Variants in FKBP5 observed in about 807,000 individuals in gnomAD.
FKBP5 encodes the protein peptidyl-prolyl cis-trans isomerase FKBP5.
FKBP5 carries 23 observed loss-of-function variants against 50.5 expected under a neutral mutation model. The observed-to-expected ratio is 0.46, with a 90% CI of 0.33 to 0.65. The LOEUF is 0.65. Ranked by LOEUF, FKBP5 falls within the 30% of genes least tolerant of loss-of-function variation. FKBP5 has a pLI of 0.02. For synonymous variants in FKBP5, 176 were observed against 190.6 expected, an observed-to-expected ratio of 0.92 and a Z score of 0.63; for missense variants, 411 against 553.1, an observed-to-expected ratio of 0.74 and a Z score of 2.58.
At chr6:35,608,431 G>A (rs528298282) in intron 5 of FKBP5, among the ~76,000 whole-genome samples, 3 of 152,230 alleles carry the variant, frequency 2.0e-5, no homozygotes, top group African/African-American at 4.8e-5. Flanking sequence ...GGTAGTACAC[G>A]AGCCTGTAAT....
At chr6:35,715,152 G>C (rs757519415) in intron 2 of FKBP5, among the ~76,000 whole-genome samples, 1 of 152,072 alleles carries the variant, frequency 6.6e-6, no homozygotes, top group African/African-American at 2.4e-5. Flanking sequence ...CACCCGCCTT[G>C]GCCTCCCAAA....
intron 2 of FKBP5, among the ~76,000 whole-genome samples, chr6:35,702,948 T>A (rs529547073): frequency 6.6e-6 from 1 of 151,410 alleles, no homozygotes; most frequent in Non-Finnish European, 1.5e-5. Context: ...AAAAAAAAGG[T>A]TTTTTCAAAG....
intron 5 of FKBP5, among the ~76,000 whole-genome samples, chr6:35,615,102 C>A (rs888657785): frequency 6.7e-6 from 1 of 149,894 alleles, no homozygotes; most frequent in African/African-American, 2.5e-5. Flanking sequence ...CCAGCCTGGG[C>A]GACAGAGTGA....
At chr6:35,600,754 G>T (rs780347051) in intron 5 of FKBP5, among the ~76,000 whole-genome samples, 1 of 152,260 alleles carries the variant, frequency 6.6e-6, no homozygotes, top group Non-Finnish European at 1.5e-5. Context: ...GCTTTTGGTT[G>T]ATCAAGTTTG....
chr6:35,727,205 G>A (rs1309902881), intron 1 of FKBP5, among the ~76,000 whole-genome samples: 1 of 152,212 alleles, frequency 6.6e-6, no homozygotes, highest in Non-Finnish European at 1.5e-5. Flanking sequence ...ACATTCTTTA[G>A]CAGGACCCAA....
intron 1 of FKBP5, among the ~76,000 whole-genome samples, chr6:35,665,289 TC>T (rs1765182947): frequency 1.4e-5 from 2 of 144,240 alleles, no homozygotes; most frequent in Non-Finnish European, 3.1e-5. Context: ...TAGTAAATGC[TC>T]CTCTTTTTTT....
At chr6:35,628,992 C>T (rs1300158948) in intron 3 of FKBP5, among the ~76,000 whole-genome samples, 3 of 152,230 alleles carry the variant, frequency 2.0e-5, no homozygotes, top group African/African-American at 7.2e-5. Flanking sequence ...GCCGGGATTA[C>T]AGGCATGAGC....
intron 1 of FKBP5, among the ~76,000 whole-genome samples, chr6:35,652,354 G>A (rs879667374): frequency 4.6e-5 from 7 of 152,220 alleles, no homozygotes; most frequent in Non-Finnish European, 7.3e-5. Context: ...TCTGACCGCC[G>A]GTGAGCCGGG....
chr6:35,593,716 A>C (rs1284292075), intron 6 of FKBP5, among the ~76,000 whole-genome samples: 1 of 151,886 alleles, frequency 6.6e-6, no homozygotes, highest in Admixed American at 6.6e-5. Flanking sequence ...CACCACGCCC[A>C]GCTAATTTTT....
Position 35,722,740 on chromosome 6 carries a change from C to A in FKBP5, c.-240-2192G>T, listed in dbSNP as rs78624761. Among the ~76,000 whole-genome samples the A allele has an allele frequency of 3.9e-5, 6 of 152,260 alleles. 2 individuals are homozygous for A. The South Asian group carries it at 1.2e-3, about 32-fold the overall frequency. Reference sequence around the variant, plus strand: ...CACCCTTGCTCTGCCTGGCCAATTCCTCTCTCCCTGAACCTTCTGCTCTGG... The same window carrying A: ...CACCCTTGCTCTGCCTGGCCAATTCATCTCTCCCTGAACCTTCTGCTCTGG... On this transcript the variant is annotated intron_variant, in intron 1 of 11. Transcript: ENST00000536438.
chr6:35,710,320 A>G lies in FKBP5; in HGVS notation c.-20+10008T>C, dbSNP rs539890719. On this transcript the variant is annotated intron_variant, in intron 2 of 11. Coordinates refer to the FKBP5 transcript ENST00000536438. ...ATAGGAAACCCAGTCTCTACAAAAC[A>G]TAAAACAATTAACTGGGCATGGTGG... 2.0e-5 allele frequency among the ~76,000 whole-genome samples: 3 copies of G among 152,160 alleles called. No homozygotes were observed. The East Asian group carries it at 5.8e-4, about 29-fold the overall frequency.
rs1765212545 is a variant in FKBP5 at position 35,666,268 on chromosome 6, C to T, written c.-20+22536G>A. ...GTTGAATATTTTTAAGGGCGAATTT[C>T]CCAATATCTACTGAAAGTTTATGTG... On this transcript the variant is annotated intron_variant, in intron 1 of 10. Coordinates refer to ENST00000357266, the MANE Select transcript of FKBP5 (RefSeq NM_004117.4). Among the ~76,000 whole-genome samples, 4 of 151,510 alleles carry T rather than the reference C, an allele frequency of 2.6e-5. 1 individual carries two copies. The highest frequency in any genetic ancestry group is 4.2e-4 in the South Asian group (2 of 4,798).
intron 3 of FKBP5, among the ~76,000 whole-genome samples, chr6:35,632,985 A>G (rs1764204541): frequency 6.6e-6 from 1 of 152,088 alleles, no homozygotes; most frequent in Admixed American, 6.5e-5. Context: ...AAGTGTAGGT[A>G]TAGCTTGAAT....
At chr6:35,594,748 T>C (rs1407259636) in intron 6 of FKBP5, among the ~76,000 whole-genome samples, 1 of 152,292 alleles carries the variant, frequency 6.6e-6, no homozygotes, top group South Asian at 2.1e-4. Flanking sequence ...TGCAGCAGTC[T>C]CATATTACAG....
chr6:35,663,984 A>G (rs1415463407), intron 1 of FKBP5, among the ~76,000 whole-genome samples: 1 of 152,238 alleles, frequency 6.6e-6, no homozygotes, highest in Non-Finnish European at 1.5e-5. Flanking sequence ...ATCCAAGGAT[A>G]TACTTCTAGT....
chr6:35,728,250 T>C (rs1766763719), intron 1 of FKBP5, among the ~76,000 whole-genome samples: 1 of 152,150 alleles, frequency 6.6e-6, no homozygotes, highest in Non-Finnish European at 1.5e-5. Flanking sequence ...GACCCGGCAC[T>C]CGGCAGCTCC....
intron 2 of FKBP5, among the ~76,000 whole-genome samples, chr6:35,716,565 C>T (rs994403422): frequency 6.6e-6 from 1 of 152,032 alleles, no homozygotes; most frequent in Admixed American, 6.6e-5. Flanking sequence ...AGACAGTTAC[C>T]GTGTCTTATG....
In FKBP5 at chr6:35,617,797, A is replaced by G. The variant is rs374258328; in HGVS notation, c.508+1299T>C. Among the ~76,000 whole-genome samples, 13 of 152,322 alleles carry G rather than the reference A, an allele frequency of 8.5e-5. No individual in the cohort carries two copies. In the East Asian group the frequency reaches 2.1e-3, roughly 25 times the overall value. The stretch of plus-strand genomic sequence containing the variant: ...TGGGCAAATACTGATTACAATGTAA[A>G]GTGACAAGTAGTATACACAGTGGTA... On this transcript the variant is annotated intron_variant, in intron 5 of 10. Transcript: ENST00000357266.
chr6:35,648,482 C>T (rs1024402679), intron 1 of FKBP5, among the ~76,000 whole-genome samples: 1 of 151,872 alleles, frequency 6.6e-6, no homozygotes, highest in African/African-American at 2.4e-5. Flanking sequence ...CACTATGTTG[C>T]CCAGGCTGGT....
Sources: gnomAD v4.1 joint callset for allele counts (sites outside exome capture counted in the v4.1 genomes callset) on GRCh38, gnomAD v4.1.1 for gene constraint, MANE v1.5 for transcripts, NCBI Gene and HGNC (gene_info 2026-07-23, HGNC 2026-07-21) for gene names.